The following AUH variants were observed in gnomAD, a reference collection of about 807,000 sequenced individuals.
The protein encoded by AUH is AU RNA binding methylglutaconyl-CoA hydratase, also known as methylglutaconyl-CoA hydratase, mitochondrial.
AUH carries 29 observed loss-of-function variants against 42.3 expected under a neutral mutation model. The observed-to-expected ratio is 0.69, with a 90% CI of 0.51 to 0.93. The LOEUF (loss-of-function observed/expected upper bound fraction) is 0.93, where lower values mean the gene tolerates loss of function less well. Among genes scored for constraint, AUH ranks in the 40% least tolerant of loss-of-function variants. AUH has a pLI of 0.00. For synonymous variants in AUH, 174 were observed against 166.4 expected (o/e 1.05, Z -0.35); for missense variants, 452 against 438.1 (o/e 1.03, Z -0.28).
chr9:91,360,112 A>G (rs1832739370), intron 1 of AUH, among the ~76,000 whole-genome samples: 1 of 152,232 alleles, frequency 6.6e-6, no homozygotes, highest in Non-Finnish European at 1.5e-5. Flanking sequence ...CCTAACTTAA[A>G]GTCTGTCCAG....
At chr9:91,333,550 T>C (rs551524508) in intron 3 of AUH, among the ~76,000 whole-genome samples, 8 of 152,336 alleles carry the variant, frequency 5.3e-5, no homozygotes, top group South Asian at 2.1e-4. Context: ...CACAATGAGA[T>C]AGATGGGACT....
At chr9:91,306,920 C>T (rs1023777776) in intron 4 of AUH, among the ~76,000 whole-genome samples, 14 of 152,120 alleles carry the variant, frequency 9.2e-5, no homozygotes, top group Admixed American at 2.6e-4. Context: ...TCACGTAGTA[C>T]ATCTGGGCAA....
At chr9:91,266,319 G>A (rs184891820) in intron 6 of AUH, among the ~76,000 whole-genome samples, 71 of 151,848 alleles carry the variant, frequency 4.7e-4, no homozygotes, top group African/African-American at 1.5e-3. Context: ...CCAAGATCAC[G>A]CCACTGCACT....
intron 3 of AUH, among the ~76,000 whole-genome samples, chr9:91,341,822 G>A (rs530866636): frequency 1.3e-5 from 2 of 152,208 alleles, no homozygotes; most frequent in Non-Finnish European, 2.9e-5. Flanking sequence ...AGCTAAAATA[G>A]AAAAATGTGA....
chr9:91,287,315 A>G (rs1826496659), intron 6 of AUH, among the ~76,000 whole-genome samples: 2 of 152,174 alleles, frequency 1.3e-5, no homozygotes, highest in South Asian at 4.1e-4. Flanking sequence ...CTAAATTGTC[A>G]AGATGATTAA....
intron 1 of AUH, chr9:91,357,345 C>T: frequency 3.8e-6 from 1 of 264,216 alleles, no homozygotes; most frequent in Non-Finnish European, 5.9e-6. Context: ...GAAGTAACTT[C>T]CTTCAGCTAT....
intron 6 of AUH, among the ~76,000 whole-genome samples, chr9:91,224,636 A>G (rs953854005): frequency 1.3e-5 from 2 of 152,204 alleles, no homozygotes; most frequent in African/African-American, 4.8e-5. Flanking sequence ...CATAGGGTAT[A>G]AAGTATTCCT....
chr9:91,312,985 AG>A (rs1286481645), intron 4 of AUH, among the ~76,000 whole-genome samples: 2 of 152,220 alleles, frequency 1.3e-5, no homozygotes, highest in African/African-American at 4.8e-5. Flanking sequence ...ATGGCAGAAC[AG>A]TGGGTTTTAA....
intron 6 of AUH, among the ~76,000 whole-genome samples, chr9:91,273,427 G>T (rs950292903): frequency 6.6e-6 from 1 of 152,202 alleles, no homozygotes; most frequent in Non-Finnish European, 1.5e-5. Context: ...GGAGCTATTG[G>T]TGATGACAGG....
Position 91,356,115 on chromosome 9 carries a change from AT to A in AUH, c.302del (p.Asn101IlefsTer8). 1 of 1,613,768 alleles carries A rather than the reference AT, an allele frequency of 6.2e-7. No homozygotes were observed. The highest frequency in any genetic ancestry group is 8.5e-7 in the Non-Finnish European group (1 of 1,179,826). ...TTTTTATAAGATTTTTACTGAGTGAATTTTTGCCATAAGCTCTGTTTATTCC... is the reference window on the plus strand; with the variant it reads ...TTTTTATAAGATTTTTACTGAGTGAATTTTGCCATAAGCTCTGTTTATTCC... ...VLGINRAYGKNSLSKNLIKML... is the reference protein window; with the variant it reads ...VLGINRAYGKXSLSKNLIKML... On this transcript the variant is annotated frameshift_variant, in exon 2 of 10. Transcript: ENST00000375731. LOFTEE classifies it high-confidence loss of function.
intron 6 of AUH, among the ~76,000 whole-genome samples, chr9:91,245,376 G>A (rs781457261): frequency 1.3e-5 from 2 of 152,132 alleles, no homozygotes; most frequent in Admixed American, 1.3e-4. Flanking sequence ...AAATCAGAAC[G>A]CTTTTTGAGA....
intron 6 of AUH, among the ~76,000 whole-genome samples, chr9:91,234,146 T>A (rs1240118470): frequency 6.6e-6 from 1 of 152,170 alleles, no homozygotes; most frequent in Non-Finnish European, 1.5e-5. Context: ...TGGAGACCCC[T>A]TTGGCCACCC....
chr9:91,279,884 G>A (rs1359798677), intron 6 of AUH, among the ~76,000 whole-genome samples: 1 of 152,170 alleles, frequency 6.6e-6, no homozygotes, highest in African/African-American at 2.4e-5. Context: ...AACCATAAAT[G>A]TTACTGCTGA....
intron 6 of AUH, among the ~76,000 whole-genome samples, chr9:91,284,403 GAAA>G (rs2131584632): frequency 6.6e-6 from 1 of 152,258 alleles, no homozygotes; most frequent in African/African-American, 2.4e-5. Flanking sequence ...ACAGGCATGG[GAAA>G]GGATGTCATG....
intron 4 of AUH, among the ~76,000 whole-genome samples, chr9:91,313,862 G>A (rs145061852): frequency 0.1 from 14,547 of 138,910 alleles, 829 homozygotes; most frequent in African/African-American, 0.17. Context: ...CACTCTTGTC[G>A]CCCAGGCTGG....
At chr9:91,351,829 AT>A (rs1221832961) in intron 3 of AUH, among the ~76,000 whole-genome samples, 23 of 152,384 alleles carry the variant, frequency 1.5e-4, no homozygotes, top group Middle Eastern at 3.4e-3. Context: ...CCCTGAAACC[AT>A]CCCCTACATA....
At chr9:91,285,785 G>C (rs1175906931) in intron 6 of AUH, among the ~76,000 whole-genome samples, 1 of 152,064 alleles carries the variant, frequency 6.6e-6, no homozygotes, top group Non-Finnish European at 1.5e-5. Context: ...TGTATAAAAA[G>C]ATGAGACTTC....
intron 3 of AUH, among the ~76,000 whole-genome samples, chr9:91,352,151 C>T (rs1832035679): frequency 6.6e-6 from 1 of 152,060 alleles, no homozygotes; most frequent in African/African-American, 2.4e-5. Flanking sequence ...TGGCACACAC[C>T]TGTATCCCAG....
At chr9:91,330,519 T>C (rs897111614) in intron 3 of AUH, among the ~76,000 whole-genome samples, 5 of 152,258 alleles carry the variant, frequency 3.3e-5, no homozygotes, top group African/African-American at 1.2e-4. Context: ...ATGAGACCTC[T>C]GACTTAAGAC....
Sources: gnomAD v4.1 joint callset for allele counts (sites outside exome capture counted in the v4.1 genomes callset) on GRCh38, gnomAD v4.1.1 for gene constraint, MANE v1.5 for transcripts, NCBI Gene and HGNC (gene_info 2026-07-23, HGNC 2026-07-21) for gene names.